RAB27A: variants seen among roughly 807,000 people sequenced by gnomAD.
RAB27A encodes the protein RAB27A, member RAS oncogene family, also known as ras-related protein Rab-27A.
RAB27A carries 17 observed loss-of-function variants against 20.8 expected under a neutral mutation model. The ratio of observed to expected loss-of-function variants is 0.82; its 90% confidence interval spans 0.56 to 1.23. The LOEUF (loss-of-function observed/expected upper bound fraction) is 1.23. RAB27A is among the 50% of genes most tolerant of loss of function. The pLI is 0.00. For synonymous variants in RAB27A, 85 were observed against 92.8 expected (o/e 0.92, Z 0.48); for missense variants, 277 against 266.7 (o/e 1.04, Z -0.27).
chr15:55,312,477 T>G (rs1335665360), intron 2 of RAB27A, among the ~76,000 whole-genome samples: 1 of 152,192 alleles, frequency 6.6e-6, no homozygotes, highest in African/African-American at 2.4e-5. Context: ...CTGCCAAACT[T>G]TCCCAAAGTG....
intron 5 of RAB27A, among the ~76,000 whole-genome samples, chr15:55,226,361 G>C (rs1895794618): frequency 6.6e-6 from 1 of 152,106 alleles, no homozygotes; most frequent in African/African-American, 2.4e-5. Flanking sequence ...TGGAGAGATT[G>C]AGTGAGAGGG....
At chr15:55,205,935 G>A (rs1163375408) in intron 6 of RAB27A, among the ~76,000 whole-genome samples, 5 of 152,000 alleles carry the variant, frequency 3.3e-5, no homozygotes, top group Admixed American at 2.6e-4. Flanking sequence ...TCAATTTTTG[G>A]CTGGGCGCAG....
At chr15:55,317,208 G>A (rs776080615) in intron 1 of RAB27A, 4 of 152,186 alleles carry the variant, frequency 2.6e-5, no homozygotes, top group South Asian at 2.1e-4. Flanking sequence ...CATTATCCAT[G>A]ATTTATTTTT....
chr15:55,232,144 C>A (rs1896053586), intron 3 of RAB27A, among the ~76,000 whole-genome samples: 1 of 152,124 alleles, frequency 6.6e-6, no homozygotes, highest in East Asian at 1.9e-4. Context: ...CATACCCCAA[C>A]AAACACACAG....
intron 6 of RAB27A, among the ~76,000 whole-genome samples, chr15:55,216,583 C>G (rs1895316578): frequency 6.6e-6 from 1 of 152,038 alleles, no homozygotes; most frequent in African/African-American, 2.4e-5. Context: ...AGCAATGTCA[C>G]TAGCAACATG....
chr15:55,231,025 G>A (rs28537360), intron 3 of RAB27A, among the ~76,000 whole-genome samples: 10,414 of 152,032 alleles, frequency 0.068, 1,190 homozygotes, highest in African/African-American at 0.23. Context: ...ATGTCCATGC[G>A]TACCCATTGT....
At chr15:55,265,491 G>C (rs1897439062) in intron 2 of RAB27A, among the ~76,000 whole-genome samples, 2 of 152,180 alleles carry the variant, frequency 1.3e-5, no homozygotes, top group African/African-American at 2.4e-5. Flanking sequence ...AGATAATGTG[G>C]GGAACGACTT....
In RAB27A at chr15:55,309,459, C is replaced by A. The variant is rs192655736; in HGVS notation, c.-112+4580G>T. ...TCTGAATGGGCAGCTAAAAGTAAATCATCCATGTACCAAAGGACAAGAGTG... is the reference window on the plus strand; with the variant it reads ...TCTGAATGGGCAGCTAAAAGTAAATAATCCATGTACCAAAGGACAAGAGTG... On this transcript the variant is annotated intron_variant, in intron 2 of 5. Transcript: ENST00000563262. Among the ~76,000 whole-genome samples the A allele has an allele frequency of 1.1e-3, 171 of 152,320 alleles. 1 individual carries two copies. Among genetic ancestry groups the A allele is most frequent in the African/African-American group, 3.9e-3 (162 of 41,576 alleles).
chr15:55,205,515 C>T lies in RAB27A; in HGVS notation c.658G>A (p.Gly220Ser). 2 of 1,614,142 alleles carry T rather than the reference C, an allele frequency of 1.2e-6. No individual in the cohort carries two copies. Among genetic ancestry groups the T allele is most frequent in the South Asian group, 1.1e-5 (1 of 91,090 alleles). The change falls in exon 7 of 7, where the codon GGC becomes AGC. Residue 220 changes from glycine to serine, a missense_variant. Transcript: ENST00000336787. ...GTCGCTTACTTGACTTCTCAACAGC[C>T]ACATGCCCCTTTCTCCTTTTCTTCA... ...LSEEKEKGAC[G>S]C
intron 5 of RAB27A, among the ~76,000 whole-genome samples, chr15:55,225,734 T>C (rs1003672924): frequency 1.3e-5 from 2 of 152,344 alleles, no homozygotes; most frequent in South Asian, 2.1e-4. Flanking sequence ...TTTCCTAATT[T>C]TTCTACTAAG....
intron 1 of RAB27A, among the ~76,000 whole-genome samples, chr15:55,315,243 C>T (rs2055037740): frequency 6.6e-6 from 1 of 152,158 alleles, no homozygotes. Flanking sequence ...TTCCTTACAC[C>T]TTATACAAAA....
At chr15:55,290,471 G>C (rs1898281272), upstream of RAB27A, 1 of 152,264 alleles carries the variant, frequency 6.6e-6, no homozygotes, top group Admixed American at 6.5e-5. Context: ...GGAGGAAATG[G>C]CAAACGGAGT....
At chr15:55,257,239 C>T (rs1897113432) in intron 2 of RAB27A, among the ~76,000 whole-genome samples, 1 of 152,116 alleles carries the variant, frequency 6.6e-6, no homozygotes, top group African/African-American at 2.4e-5. Context: ...GCAGGTTCAG[C>T]ATGAGAGATC....
At chr15:55,274,183 A>T (rs1897785083) in intron 1 of RAB27A, among the ~76,000 whole-genome samples, 1 of 152,212 alleles carries the variant, frequency 6.6e-6, no homozygotes, top group Non-Finnish European at 1.5e-5. Flanking sequence ...AATTTTTTTT[A>T]AATCTTGAGA....
chr15:55,238,795 T>C (rs1896367597), intron 2 of RAB27A, among the ~76,000 whole-genome samples: 1 of 139,774 alleles, frequency 7.2e-6, no homozygotes, highest in Non-Finnish European at 1.5e-5. Flanking sequence ...TTCTAACCAT[T>C]TGCAATTCAT....
intron 6 of RAB27A, among the ~76,000 whole-genome samples, chr15:55,223,556 A>G (rs1462946660): frequency 6.6e-6 from 1 of 151,900 alleles, no homozygotes; most frequent in Admixed American, 6.6e-5. Flanking sequence ...CTCGCTCAAC[A>G]TGGAGGATTT....
chr15:55,262,956 C>T (rs1306553377), intron 2 of RAB27A, among the ~76,000 whole-genome samples: 2 of 152,184 alleles, frequency 1.3e-5, no homozygotes, highest in African/African-American at 4.8e-5. Context: ...TTCATCTATC[C>T]TAGTTTGCTA....
At chr15:55,236,193 T>C (rs1222646539) in intron 2 of RAB27A, among the ~76,000 whole-genome samples, 1 of 152,104 alleles carries the variant, frequency 6.6e-6, no homozygotes, top group Non-Finnish European at 1.5e-5. Flanking sequence ...GAAAGTCTCC[T>C]AGTGCTAGAA....
chr15:55,206,454 A>G (rs1894656789), intron 6 of RAB27A: 2 of 155,906 alleles, frequency 1.3e-5, no homozygotes, highest in Admixed American at 1.3e-4. Flanking sequence ...CGATCCTCCT[A>G]CCTCAGCTTT....
Sources: gnomAD v4.1 joint callset for allele counts (sites outside exome capture counted in the v4.1 genomes callset) on GRCh38, gnomAD v4.1.1 for gene constraint, MANE v1.5 for transcripts, NCBI Gene and HGNC (gene_info 2026-07-23, HGNC 2026-07-21) for gene names.